Variants in COL14A1 observed in about 807,000 individuals in gnomAD.
COL14A1 encodes collagen alpha-1(XIV) chain.
A neutral mutation model predicts 230.3 loss-of-function variants in COL14A1; 136 were observed. The ratio of observed to expected loss-of-function variants is 0.59; its 90% CI spans 0.51 to 0.68. The LOEUF (loss-of-function observed/expected upper bound fraction) is 0.68. Among genes scored for constraint, COL14A1 ranks in the 30% least tolerant of loss-of-function variants. The pLI, the probability that COL14A1 is intolerant of heterozygous loss-of-function variation, is 0.00. For synonymous variants in COL14A1, 792 were observed against 784.1 expected (o/e 1.01, Z -0.17); for missense variants, 1,976 against 2,215.8 (o/e 0.89, Z 2.17).
chr8:120,348,592 A>C (rs62528266), intron 45 of COL14A1, among the ~76,000 whole-genome samples: 21,489 of 152,152 alleles, frequency 0.14, 1,986 homozygotes, highest in Non-Finnish European at 0.21. Context: ...TATACTGCTC[A>C]GGTGATGGGT....
chr8:120,271,876 A>AC (rs1295148029), intron 26 of COL14A1, among the ~76,000 whole-genome samples: 3 of 151,352 alleles, frequency 2.0e-5, no homozygotes, highest in Non-Finnish European at 4.4e-5. Context: ...AAAAAAGATT[A>AC]CCCCAACTGC....
chr8:120,303,786 CT>C (rs1820784089), intron 36 of COL14A1, among the ~76,000 whole-genome samples: 1 of 152,002 alleles, frequency 6.6e-6, no homozygotes, highest in Non-Finnish European at 1.5e-5. Context: ...TCCTCCTCAA[CT>C]TTTTGGAATA....
At chr8:120,332,528 A>G (rs1821906738) in intron 41 of COL14A1, 136 bp from the exon 42 acceptor site, 2 of 711,050 alleles carry the variant, frequency 2.8e-6, no homozygotes, top group Non-Finnish European at 4.7e-6. Flanking sequence ...GGAGTTGGGA[A>G]CAGGAATGAG....
chr8:120,209,034 C>G (rs1290046733), intron 11 of COL14A1, among the ~76,000 whole-genome samples: 1 of 152,188 alleles, frequency 6.6e-6, no homozygotes, highest in Non-Finnish European at 1.5e-5. Context: ...ACACTAATCA[C>G]AATGCGCCAG....
intron 40 of COL14A1, among the ~76,000 whole-genome samples, chr8:120,323,081 T>A (rs1821515134): frequency 6.6e-6 from 1 of 152,188 alleles, no homozygotes; most frequent in African/African-American, 2.4e-5. Context: ...TGTTTAGTTT[T>A]GTTTTTAACT....
In COL14A1 at chr8:120,364,275, G is replaced by A. The variant is rs555893350; in HGVS notation, c.5078-2896G>A. ...GCTCCACTGCCCTCAGGCATCTCAT[G>A]GATAGTCACAGGCTGATGTTTTAGG... On this transcript the variant is annotated intron_variant, in intron 45 of 47. Coordinates refer to ENST00000297848, the MANE Select transcript of COL14A1 (RefSeq NM_021110.4). Among the ~76,000 whole-genome samples the A allele has an allele frequency of 1.2e-4, 18 of 152,192 alleles. 1 individual carries two copies. Among genetic ancestry groups the A allele is most frequent in the African/African-American group, 3.4e-4 (14 of 41,544 alleles).
At chr8:120,170,728 T>C (rs529241061) in intron 5 of COL14A1, among the ~76,000 whole-genome samples, 161 of 152,202 alleles carry the variant, frequency 1.1e-3, no homozygotes, top group African/African-American at 3.7e-3. Flanking sequence ...TCAATTTTTC[T>C]TTTTGATATT....
At chr8:120,180,849 A>G (rs184282909) in intron 5 of COL14A1, among the ~76,000 whole-genome samples, 63 of 152,158 alleles carry the variant, frequency 4.1e-4, no homozygotes, top group African/African-American at 1.5e-3. Context: ...CTGGGACTAC[A>G]GGTGGGCCCC....
In COL14A1 at chr8:120,227,211, A is replaced by G. The variant is rs202034777; in HGVS notation, c.2005-9A>G. The stretch of plus-strand genomic sequence containing the variant: ...AAGCATAGTTACTAAGCACCAAAAT[A>G]TATTTCAGGTTGTCCTGAAAGAAGA... On this transcript the variant is annotated splice_polypyrimidine_tract_variant and intron_variant, in intron 16 of 47. Transcript: ENST00000297848. 1,338 of 1,613,270 alleles carry G rather than the reference A, an allele frequency of 8.3e-4. 2 individuals are homozygous for G. The highest frequency in any genetic ancestry group is 1.1e-3 in the Non-Finnish European group (1,260 of 1,179,734).
chr8:120,298,597 TTATATATATATATATATATATA>T lies in COL14A1; in HGVS notation c.4314+1030_4314+1051del, dbSNP rs59846403. ...TGGGATGTGTGTATACCCATATATT[TTATATATATATATATATATATA>T]TATATATATATATATATATACAAAA... On this transcript the variant is annotated intron_variant, in intron 35 of 47. Transcript: ENST00000297848. Among the ~76,000 whole-genome samples the T allele has an allele frequency of 7.9e-4, 46 of 57,988 alleles. 1 individual carries two copies. The highest frequency in any genetic ancestry group is 3.2e-3 in the East Asian group (3 of 948). 38.0% of individuals were successfully genotyped at this position (57,988 alleles called of 152,430 possible).
intron 34 of COL14A1, among the ~76,000 whole-genome samples, chr8:120,295,374 T>C (rs1304066252): frequency 6.6e-6 from 1 of 151,770 alleles, no homozygotes; most frequent in Non-Finnish European, 1.5e-5. Flanking sequence ...ATTACGTTAT[T>C]TAAACTTTTT....
chr8:120,149,489 C>T (rs1421616340), intron 2 of COL14A1, among the ~76,000 whole-genome samples: 1 of 152,142 alleles, frequency 6.6e-6, no homozygotes, highest in Non-Finnish European at 1.5e-5. Flanking sequence ...CACTTATCTT[C>T]TAAACTCCAG....
intron 34 of COL14A1, among the ~76,000 whole-genome samples, chr8:120,293,477 G>T (rs1354332167): frequency 6.6e-6 from 1 of 151,748 alleles, no homozygotes; most frequent in East Asian, 1.9e-4. Context: ...ATTTTCCTGG[G>T]ATTATTTCAT....
At chr8:120,231,755 T>C in intron 19 of COL14A1, 137 bp downstream of exon 19, 1 of 900,624 alleles carries the variant, frequency 1.1e-6, no homozygotes, top group Non-Finnish European at 1.6e-6. Flanking sequence ...ATGTTCTCTG[T>C]TAATCTGACT....
At chr8:120,216,318 T>G in intron 13 of COL14A1, 33 bp from the exon 14 acceptor site, 2 of 1,575,036 alleles carry the variant, frequency 1.3e-6, no homozygotes, top group Non-Finnish European at 1.7e-6. Flanking sequence ...TAATTTGACA[T>G]TTTAATTATT....
At chr8:120,187,673 G>A (rs1336186652) in intron 5 of COL14A1, among the ~76,000 whole-genome samples, 1 of 152,160 alleles carries the variant, frequency 6.6e-6, no homozygotes, top group African/African-American at 2.4e-5. Context: ...CTTTTCACAT[G>A]GGCAACTTCA....
chr8:120,142,678 G>A (rs1383016596), intron 1 of COL14A1, among the ~76,000 whole-genome samples: 1 of 152,140 alleles, frequency 6.6e-6, no homozygotes, highest in Non-Finnish European at 1.5e-5. Flanking sequence ...AGGCCGGTAG[G>A]GGAAGATATA....
chr8:120,170,005 C>A (rs1174341971), intron 5 of COL14A1, among the ~76,000 whole-genome samples: 3 of 151,922 alleles, frequency 2.0e-5, no homozygotes, highest in Non-Finnish European at 4.4e-5. Context: ...TATCATTTTA[C>A]TTCATATATA....
At chr8:120,145,787 T>G (rs987432875) in intron 1 of COL14A1, among the ~76,000 whole-genome samples, 1 of 152,190 alleles carries the variant, frequency 6.6e-6, no homozygotes, top group Non-Finnish European at 1.5e-5. Context: ...TATTTCCAAA[T>G]AAAAGTAGGT....
Sources: allele counts gnomAD v4.1 joint callset (sites outside exome capture counted in the v4.1 genomes callset), GRCh38; gene constraint gnomAD v4.1.1; transcripts MANE v1.5; gene names NCBI Gene and HGNC (gene_info 2026-07-23, HGNC 2026-07-21).